The following ARSB variants were observed in gnomAD, a reference collection of about 807,000 sequenced individuals.
ARSB encodes the protein arylsulfatase B.
In ARSB, 41 loss-of-function variants were observed where a neutral mutation model predicts 50.9. The ratio of observed to expected loss-of-function variants is 0.81; its 90% confidence interval spans 0.63 to 1.04. ARSB has a LOEUF of 1.04. Ranked by LOEUF, ARSB falls within the 50% of genes least tolerant of loss-of-function variation. ARSB has a pLI of 0.00. For synonymous variants in ARSB, 269 were observed against 284.8 expected (o/e 0.94, Z 0.56); for missense variants, 672 against 693.3 (o/e 0.97, Z 0.35).
intron 6 of ARSB, among the ~76,000 whole-genome samples, chr5:78,801,291 C>T (rs559238359): frequency 2.0e-5 from 3 of 152,236 alleles, no homozygotes; most frequent in Admixed American, 6.5e-5. Flanking sequence ...ATTGTAAATA[C>T]GTACCTTAGC....
intron 4 of ARSB, among the ~76,000 whole-genome samples, chr5:78,909,900 C>T (rs959399112): frequency 2.6e-5 from 4 of 152,182 alleles, no homozygotes; most frequent in Non-Finnish European, 4.4e-5. Flanking sequence ...GTATAAAACC[C>T]GATTGTACAT....
At chr5:78,849,735 C>G (rs78316486) in intron 5 of ARSB, among the ~76,000 whole-genome samples, 54 of 128,706 alleles carry the variant, frequency 4.2e-4, no homozygotes, top group African/African-American at 1.4e-3. Flanking sequence ...CTTTTATTTC[C>G]TTGAGCAGTG....
chr5:78,914,719 C>T (rs369395246), intron 4 of ARSB, among the ~76,000 whole-genome samples: 2 of 152,166 alleles, frequency 1.3e-5, no homozygotes. Context: ...CTCTGTCACT[C>T]AGGCTGGCGT....
chr5:78,809,220 T>C lies in ARSB; in HGVS notation c.1214-27246A>G, dbSNP rs370005057. Among the ~76,000 whole-genome samples the C allele has an allele frequency of 2.0e-4, 30 of 152,288 alleles. 2 individuals carry two copies. The East Asian group carries it at 3.5e-3, about 18-fold the overall frequency. ...GGCACCGAGGGGGTTGCAATCAGTA[T>C]GCAATCCTGCCAGGAAAGGTGGTGG... On this transcript the variant is annotated intron_variant, in intron 6 of 7. Transcript: ENST00000264914.
chr5:78,957,999 T>C (rs920452269), intron 3 of ARSB, among the ~76,000 whole-genome samples: 1 of 148,946 alleles, frequency 6.7e-6, no homozygotes, highest in African/African-American at 2.4e-5. Context: ...TCGATCTGTT[T>C]TTATATAAAA....
intron 4 of ARSB, among the ~76,000 whole-genome samples, chr5:78,942,602 T>A (rs1039671224): frequency 1.3e-5 from 2 of 152,176 alleles, no homozygotes; most frequent in Non-Finnish European, 2.9e-5. Context: ...TTTGAGTGAG[T>A]TTCTTAATCC....
intron 5 of ARSB, among the ~76,000 whole-genome samples, chr5:78,844,355 A>T (rs1180250240): frequency 6.6e-6 from 1 of 152,100 alleles, no homozygotes; most frequent in Non-Finnish European, 1.5e-5. Context: ...AGAAATGTCT[A>T]TTCAGATCAT....
chr5:78,890,027 G>A (rs1561484938), intron 4 of ARSB, among the ~76,000 whole-genome samples: 1 of 152,070 alleles, frequency 6.6e-6, no homozygotes, highest in South Asian at 2.1e-4. Flanking sequence ...AGGCAACATC[G>A]TTTCAAAAAT....
chr5:78,821,415 G>C (rs1003217478), intron 6 of ARSB, among the ~76,000 whole-genome samples: 10 of 152,332 alleles, frequency 6.6e-5, no homozygotes, highest in African/African-American at 2.4e-4. Flanking sequence ...TGGGATTACA[G>C]GCGTGAGCCA....
intron 5 of ARSB, among the ~76,000 whole-genome samples, chr5:78,868,064 A>G (rs1488433903): frequency 7.8e-5 from 11 of 141,572 alleles, no homozygotes; most frequent in Non-Finnish European, 1.2e-4. Context: ...GGGTATCAGC[A>G]ATGGAAGATG....
At chr5:78,807,435 A>G (rs950998082) in intron 6 of ARSB, among the ~76,000 whole-genome samples, 8 of 152,050 alleles carry the variant, frequency 5.3e-5, no homozygotes, top group Non-Finnish European at 2.9e-5. Flanking sequence ...CTCTTCTACA[A>G]CCTCAGGAAA....
intron 5 of ARSB, among the ~76,000 whole-genome samples, chr5:78,859,788 G>C (rs971693400): frequency 6.6e-6 from 1 of 151,818 alleles, no homozygotes; most frequent in Admixed American, 6.6e-5. Flanking sequence ...CTCTCACCCC[G>C]AATGCTGGCT....
chr5:78,965,898 A>G (rs781133161), intron 2 of ARSB, among the ~76,000 whole-genome samples: 24 of 152,218 alleles, frequency 1.6e-4, no homozygotes, highest in Non-Finnish European at 3.1e-4. Context: ...TAACTTTTAT[A>G]TGGCAATCTT....
chr5:78,933,199 T>C (rs1176316137), intron 4 of ARSB, among the ~76,000 whole-genome samples: 1 of 152,184 alleles, frequency 6.6e-6, no homozygotes, highest in Non-Finnish European at 1.5e-5. Context: ...ACCGAAAAAG[T>C]ATTAATGCAA....
intron 6 of ARSB, chr5:78,816,051 C>G: frequency 4.3e-6 from 7 of 1,613,952 alleles, no homozygotes; most frequent in Non-Finnish European, 5.9e-6. Context: ...TTCTTATGCC[C>G]TGGGTTATCA....
At chr5:78,816,304 G>C (rs1743990689) in intron 6 of ARSB, among the ~76,000 whole-genome samples, 1 of 152,166 alleles carries the variant, frequency 6.6e-6, no homozygotes, top group South Asian at 2.1e-4. Flanking sequence ...GCTCAACAAA[G>C]ACTCTTACTG....
At chr5:78,940,929 T>C (rs936107342) in intron 4 of ARSB, among the ~76,000 whole-genome samples, 19 of 152,222 alleles carry the variant, frequency 1.2e-4, no homozygotes, top group African/African-American at 4.3e-4. Flanking sequence ...TGGAATGTTC[T>C]TCCATTTGTT....
At chr5:78,913,278 C>G (rs1485067568) in intron 4 of ARSB, among the ~76,000 whole-genome samples, 1 of 152,148 alleles carries the variant, frequency 6.6e-6, no homozygotes, top group African/African-American at 2.4e-5. Flanking sequence ...GCGCCCGCCA[C>G]CTCGCCCGGC....
intron 5 of ARSB, among the ~76,000 whole-genome samples, chr5:78,854,012 C>T (rs557297233): frequency 7.2e-5 from 11 of 152,380 alleles, no homozygotes; most frequent in South Asian, 2.1e-4. Flanking sequence ...TTGCACTTCC[C>T]GAGTGAGGCA....
Sources: allele counts gnomAD v4.1 joint callset (sites outside exome capture counted in the v4.1 genomes callset), GRCh38; gene constraint gnomAD v4.1.1; transcripts MANE v1.5; gene names NCBI Gene and HGNC (gene_info 2026-07-23, HGNC 2026-07-21).